PRR20G: variants seen among roughly 807,000 people sequenced by gnomAD.
PRR20G encodes the protein proline-rich protein 20G.
At chr3:127,286,578 C>T (rs1039744625) in intron 2 of PRR20G, among the ~76,000 whole-genome samples, 8 of 152,064 alleles carry the variant, frequency 5.3e-5, no homozygotes, top group African/African-American at 1.9e-4. Context: ...ATACGTAGAT[C>T]GAGACATAGT....
At chr3:127,285,383 G>C (rs976605575) in intron 2 of PRR20G, among the ~76,000 whole-genome samples, 6 of 152,118 alleles carry the variant, frequency 3.9e-5, no homozygotes, top group Non-Finnish European at 5.9e-5. Context: ...CAGGTGACAG[G>C]GGGGCCGGGG....
rs1221113582 is a variant in PRR20G at position 127,283,845 on chromosome 3, A to G, written c.*215T>C. On this transcript the variant is annotated 3_prime_UTR_variant, in exon 3 of 3. Coordinates refer to ENST00000465482, the MANE Select transcript of PRR20G (RefSeq NM_001362810.2). ...AACTCCATGCATGTGTATTTTTGACAGAACATACAAAGCGGAGGCAAGAGG... is the reference window on the plus strand; with the variant it reads ...AACTCCATGCATGTGTATTTTTGACGGAACATACAAAGCGGAGGCAAGAGG... Among the ~76,000 whole-genome samples, 1 of 152,144 alleles carries G rather than the reference A, an allele frequency of 6.6e-6. No individual in the cohort carries two copies. Among genetic ancestry groups the G allele is most frequent in the Non-Finnish European group, 1.5e-5 (1 of 68,032 alleles).
At chr3:127,285,066 C>CT (rs1218511575) in intron 2 of PRR20G, among the ~76,000 whole-genome samples, 1 of 152,172 alleles carries the variant, frequency 6.6e-6, no homozygotes, top group Non-Finnish European at 1.5e-5. Flanking sequence ...AGGGAGGTGG[C>CT]TCCATATCCA....
intron 2 of PRR20G, among the ~76,000 whole-genome samples, chr3:127,285,466 T>A (rs1159484257): frequency 6.6e-6 from 1 of 151,960 alleles, no homozygotes; most frequent in African/African-American, 2.4e-5. Context: ...GGGGAGGCGT[T>A]CACACAGATA....
At chr3:127,285,845 C>T (rs541607162) in intron 2 of PRR20G, among the ~76,000 whole-genome samples, 1 of 152,234 alleles carries the variant, frequency 6.6e-6, no homozygotes, top group South Asian at 2.1e-4. Context: ...ACAGTTTATG[C>T]CACAGATGAG....
chr3:127,285,066 C>T (rs186835848), intron 2 of PRR20G, among the ~76,000 whole-genome samples: 7 of 152,290 alleles, frequency 4.6e-5, no homozygotes, highest in Non-Finnish European at 1.5e-5. Context: ...AGGGAGGTGG[C>T]TCCATATCCA....
chr3:127,287,856 C>G (rs1377833930), intron 1 of PRR20G, among the ~76,000 whole-genome samples, 23 bp downstream of exon 1: 2 of 152,308 alleles, frequency 1.3e-5, no homozygotes, highest in Non-Finnish European at 2.9e-5. Flanking sequence ...CTACCCACCC[C>G]TCAGGGACAC....
chr3:127,286,216 G>C (rs2080386689), intron 2 of PRR20G, among the ~76,000 whole-genome samples: 1 of 152,154 alleles, frequency 6.6e-6, no homozygotes, highest in Non-Finnish European at 1.5e-5. Context: ...AGGCCATATG[G>C]AAAGGGTCAG....
intron 2 of PRR20G, among the ~76,000 whole-genome samples, chr3:127,285,391 G>A (rs1468813960): frequency 6.6e-6 from 1 of 152,090 alleles, no homozygotes; most frequent in African/African-American, 2.4e-5. Flanking sequence ...AGGGGGGCCG[G>A]GGGTAGTTGC....
intron 2 of PRR20G, among the ~76,000 whole-genome samples, chr3:127,286,750 C>A (rs754602999): frequency 6.6e-6 from 1 of 152,188 alleles, no homozygotes; most frequent in East Asian, 1.9e-4. Flanking sequence ...GCAGCCAGTC[C>A]CGGTTGGAGC....
rs905994164 is a variant in PRR20G at position 127,288,041 on chromosome 3, C to A, written c.-170G>T. 1.3e-5 allele frequency among the ~76,000 whole-genome samples: 2 copies of A among 152,158 alleles called. No individual in the cohort carries two copies. The highest frequency in any genetic ancestry group is 2.1e-4 in the South Asian group (1 of 4,818). ...TCCTAGTTCGGAGCCCGGCAGAAAG[C>A]TGACTGCTCGCGGTTACGAGAGCTC... On this transcript the variant is annotated 5_prime_UTR_variant, in exon 1 of 3. Transcript: ENST00000465482.
intron 1 of PRR20G, among the ~76,000 whole-genome samples, chr3:127,287,622 G>C (rs2080393792): frequency 6.6e-6 from 1 of 152,190 alleles, no homozygotes; most frequent in Non-Finnish European, 1.5e-5. Context: ...TAGCAAGCGG[G>C]GATTGGCCTA....
At chr3:127,287,148 C>A (rs1199293568) in intron 2 of PRR20G, among the ~76,000 whole-genome samples, 166 bp downstream of exon 2, 1 of 152,114 alleles carries the variant, frequency 6.6e-6, no homozygotes, top group African/African-American at 2.4e-5. Context: ...GAAATGGCTA[C>A]CCAGATGGAG....
Position 127,288,025 on chromosome 3 carries a change from G to A in PRR20G, c.-154C>T, listed in dbSNP as rs1376586143. Among the ~76,000 whole-genome samples, 1 of 152,074 alleles carries A rather than the reference G, an allele frequency of 6.6e-6. No homozygotes were observed. The highest frequency in any genetic ancestry group is 3.2e-3 in the Middle Eastern group (1 of 316). On this transcript the variant is annotated 5_prime_UTR_variant, in exon 1 of 3. Transcript: ENST00000465482. ...AGGGAGCACCCAGCAGTCCTAGTTC[G>A]GAGCCCGGCAGAAAGCTGACTGCTC... is the stretch of plus-strand genomic sequence containing the variant.
intron 2 of PRR20G, among the ~76,000 whole-genome samples, 122 bp downstream of exon 2, chr3:127,287,192 G>C (rs912425381): frequency 6.6e-6 from 1 of 152,172 alleles, no homozygotes; most frequent in African/African-American, 2.4e-5. Context: ...GATTGAGAAG[G>C]AGCATGGGCT....
At chr3:127,286,434 T>C (rs1256151193) in intron 2 of PRR20G, among the ~76,000 whole-genome samples, 1 of 152,246 alleles carries the variant, frequency 6.6e-6, no homozygotes, top group African/African-American at 2.4e-5. Flanking sequence ...TTTCTTGTAA[T>C]GTGCCTATCA....
chr3:127,284,051 T>C lies in PRR20G; in HGVS notation c.*9A>G, dbSNP rs1218455620. On this transcript the variant is annotated 3_prime_UTR_variant, in exon 3 of 3. Transcript: ENST00000465482. ...AAAAGAAGGCTGGCAGCAATACGGA[T>C]GACAGAGGTTAGTGTGCAGAGTGGG... 1 of 152,114 alleles carries C rather than the reference T, an allele frequency of 6.6e-6. No individual in the cohort carries two copies. The highest frequency in any genetic ancestry group is 2.4e-5 in the African/African-American group (1 of 41,292). The allele number at this position is 152,114 out of a possible 1,614,324, so 9.4% of individuals were successfully genotyped here.
intron 1 of PRR20G, among the ~76,000 whole-genome samples, 134 bp downstream of exon 1, chr3:127,287,745 G>A (rs7432924): frequency 0.48 from 72,512 of 151,938 alleles, 17,921 homozygotes; most frequent in East Asian, 0.7. Flanking sequence ...AAAGATGGAG[G>A]ATGGGGAACA....
chr3:127,286,842 G>A (rs1281141627), intron 2 of PRR20G, among the ~76,000 whole-genome samples: 1 of 152,132 alleles, frequency 6.6e-6, no homozygotes, highest in South Asian at 2.1e-4. Context: ...GGATAGACTC[G>A]TGATAAGTAA....
Sources: allele counts gnomAD v4.1 joint callset (sites outside exome capture counted in the v4.1 genomes callset), GRCh38; gene constraint gnomAD v4.1.1; transcripts MANE v1.5; gene names NCBI Gene and HGNC (gene_info 2026-07-23, HGNC 2026-07-21).